The following DAAM1 variants were observed in gnomAD, a reference collection of about 807,000 sequenced individuals.
DAAM1 encodes disheveled-associated activator of morphogenesis 1.
A neutral mutation model predicts 130.0 loss-of-function variants in DAAM1; 52 were observed. The ratio of observed to expected loss-of-function variants is 0.40; its 90% CI spans 0.32 to 0.50. The LOEUF (loss-of-function observed/expected upper bound fraction) is 0.50. Ranked by LOEUF, DAAM1 falls within the 20% of genes least tolerant of loss-of-function variation. The pLI is 0.61. For synonymous variants in DAAM1, 452 were observed against 444.5 expected (o/e 1.02, Z -0.21); for missense variants, 1,134 against 1,303.8 (o/e 0.87, Z 2.01).
intron 1 of DAAM1, among the ~76,000 whole-genome samples, chr14:59,240,724 C>T (rs79214608): frequency 8.8e-4 from 134 of 152,324 alleles, no homozygotes; most frequent in Non-Finnish European, 1.3e-3. Context: ...CTCTCATCTG[C>T]GGCATCCAGC....
chr14:59,198,910 A>T (rs1217355163), intron 1 of DAAM1, among the ~76,000 whole-genome samples: 1 of 152,246 alleles, frequency 6.6e-6, no homozygotes. Flanking sequence ...GTGTATTCAC[A>T]TAGAATAAGC....
At chr14:59,191,277 T>C (rs1165829651) in intron 1 of DAAM1, among the ~76,000 whole-genome samples, 1 of 152,106 alleles carries the variant, frequency 6.6e-6, no homozygotes, top group Admixed American at 6.5e-5. Flanking sequence ...AAGTTGTCAC[T>C]TTTTTCCTGG....
Position 59,326,092 on chromosome 14 carries a change from G to T in DAAM1, c.1174+15G>T. 6.2e-7 allele frequency: 1 copy of T among 1,606,550 alleles called. No individual in the cohort carries two copies. The highest frequency in any genetic ancestry group is 1.1e-5 in the South Asian group (1 of 90,912). The stretch of plus-strand genomic sequence containing the variant: ...CCAAATGCCTTGTAAGTGTGTTCGT[G>T]ACTCACATGTGTGCTTCTGAATGTT... On this transcript the variant is annotated intron_variant, in intron 10 of 24. Transcript: ENST00000360909.
intron 1 of DAAM1, among the ~76,000 whole-genome samples, chr14:59,223,825 C>A (rs529264788): frequency 2.9e-4 from 44 of 152,296 alleles, no homozygotes; most frequent in Admixed American, 2.7e-3. Context: ...CCTCTGGACC[C>A]ATAGGCATTT....
At chr14:59,330,809 C>T in intron 13 of DAAM1, 121 bp downstream of exon 13, 6 of 1,042,950 alleles carry the variant, frequency 5.8e-6, no homozygotes, top group Non-Finnish European at 8.1e-6. Flanking sequence ...CATGATTCAT[C>T]ACAATTAGGA....
At chr14:59,196,185 G>T (rs1464217512) in intron 1 of DAAM1, among the ~76,000 whole-genome samples, 2 of 152,212 alleles carry the variant, frequency 1.3e-5, no homozygotes, top group East Asian at 3.8e-4. Context: ...ATCAATGTGT[G>T]TTTGGGTGCT....
chr14:59,216,271 T>C (rs1188927569), intron 1 of DAAM1, among the ~76,000 whole-genome samples: 1 of 152,202 alleles, frequency 6.6e-6, no homozygotes, highest in Non-Finnish European at 1.5e-5. Flanking sequence ...TGTACTGTGT[T>C]ATTTCTGTAT....
chr14:59,348,940 A>G (rs1886183845), intron 17 of DAAM1, among the ~76,000 whole-genome samples: 1 of 152,188 alleles, frequency 6.6e-6, no homozygotes, highest in African/African-American at 2.4e-5. Context: ...TAAAGGTTTT[A>G]TTTAATTATC....
At chr14:59,362,984 A>G (rs1886769620) in intron 22 of DAAM1, 1 of 152,256 alleles carries the variant, frequency 6.6e-6, no homozygotes, top group African/African-American at 2.4e-5. Flanking sequence ...TGTGAACTTT[A>G]AATAAGAATG....
chr14:59,331,082 C>A lies in DAAM1; in HGVS notation c.1561-127C>A, dbSNP rs913855943. The stretch of plus-strand genomic sequence containing the variant: ...AAGAGTCCATTCGACTTTACCGATC[C>A]TTTAAACATTCTCAGAAGGGTGAAT... On this transcript the variant is annotated intron_variant, in intron 13 of 24. Transcript: ENST00000360909. 12 of 1,468,540 alleles carry A rather than the reference C, an allele frequency of 8.2e-6. No individual in the cohort carries two copies. In the African/African-American group the frequency reaches 1.7e-4, roughly 21 times the overall value. The allele number at this position is 1,468,540 out of a possible 1,614,324, so 91.0% of individuals were successfully genotyped here.
At chr14:59,220,814 G>A (rs1888746228) in intron 1 of DAAM1, among the ~76,000 whole-genome samples, 2 of 152,170 alleles carry the variant, frequency 1.3e-5, no homozygotes, top group South Asian at 4.1e-4. Flanking sequence ...TTCAGCTCTA[G>A]GAGAGTGAAT....
At chr14:59,195,002 C>A (rs1432562780) in intron 1 of DAAM1, among the ~76,000 whole-genome samples, 1 of 152,190 alleles carries the variant, frequency 6.6e-6, no homozygotes, top group Non-Finnish European at 1.5e-5. Context: ...GAAAGCTATG[C>A]CTTAACGGCA....
At chr14:59,256,589 A>G (rs1427622792) in intron 1 of DAAM1, among the ~76,000 whole-genome samples, 1 of 152,224 alleles carries the variant, frequency 6.6e-6, no homozygotes, top group Non-Finnish European at 1.5e-5. Flanking sequence ...CTCTGCAACA[A>G]TGCCAGAAGC....
intron 1 of DAAM1, among the ~76,000 whole-genome samples, chr14:59,227,790 G>C (rs1888987206): frequency 6.6e-6 from 1 of 152,278 alleles, no homozygotes; most frequent in African/African-American, 2.4e-5. Flanking sequence ...CAGAGGACAC[G>C]TAGTCCAAAT....
intron 1 of DAAM1, among the ~76,000 whole-genome samples, chr14:59,246,234 C>A (rs1881370717): frequency 6.6e-6 from 1 of 152,146 alleles, no homozygotes; most frequent in South Asian, 2.1e-4. Flanking sequence ...TCCCCTGTCC[C>A]CTGGTAACCA....
intron 3 of DAAM1, among the ~76,000 whole-genome samples, chr14:59,310,771 T>G (rs916031903): frequency 1.3e-5 from 2 of 152,202 alleles, no homozygotes; most frequent in Non-Finnish European, 2.9e-5. Context: ...TCTTTCTTCC[T>G]TGACAGATAT....
In DAAM1 at chr14:59,359,378, T is replaced by G. The variant is rs771304895; in HGVS notation, c.2526-19T>G. On this transcript the variant is annotated intron_variant, in intron 20 of 24. Transcript: ENST00000360909. ...AAAATAATTTGAATGTTTAATACTC[T>G]TCCCTTCTTCAATTGTAGAAACATT... 1 of 1,546,520 alleles carries G rather than the reference T, an allele frequency of 6.5e-7. No individual in the cohort carries two copies. Among genetic ancestry groups the G allele is most frequent in the South Asian group, 1.1e-5 (1 of 89,278 alleles).
chr14:59,355,413 C>T (rs1886438886), intron 20 of DAAM1, 80 bp downstream of exon 20: 8 of 1,542,518 alleles, frequency 5.2e-6, no homozygotes, highest in Non-Finnish European at 5.3e-6. Context: ...TGGTCCTCCT[C>T]AGCCTTCATG....
chr14:59,334,815 T>G (rs544682028), intron 15 of DAAM1, among the ~76,000 whole-genome samples: 4 of 152,110 alleles, frequency 2.6e-5, no homozygotes, highest in Non-Finnish European at 5.9e-5. Flanking sequence ...AGGATGAAAA[T>G]GTGTTAAATT....
Sources: gnomAD v4.1 joint callset for allele counts (sites outside exome capture counted in the v4.1 genomes callset) on GRCh38, gnomAD v4.1.1 for gene constraint, MANE v1.5 for transcripts, NCBI Gene and HGNC (gene_info 2026-07-23, HGNC 2026-07-21) for gene names.